Variants in DENND5B observed in about 807,000 individuals in gnomAD.
DENND5B encodes DENN domain-containing protein 5B.
Under a neutral mutation model 140.6 loss-of-function variants are expected in DENND5B, and 34 were observed. That is an observed-to-expected ratio of 0.24 (90% CI 0.18 to 0.32). The LOEUF is 0.32. DENND5B is among the 10% of genes least tolerant of loss of function. The probability of loss-of-function intolerance (pLI) is 1.00; values close to 1 mark genes in which losing one functional copy is unlikely to be tolerated. For missense variants in DENND5B, 1,142 were observed against 1,560.2 expected, an observed-to-expected ratio of 0.73 and a Z score of 4.52; for synonymous variants, 551 against 562.1, an observed-to-expected ratio of 0.98 and a Z score of 0.28.
chr12:31,579,153 T>C (rs1950121661), intron 1 of DENND5B, among the ~76,000 whole-genome samples: 1 of 152,234 alleles, frequency 6.6e-6, no homozygotes, highest in African/African-American at 2.4e-5. Context: ...AAACCCATGT[T>C]AGTAAAAATA....
chr12:31,554,320 T>C (rs1423506029), intron 1 of DENND5B, among the ~76,000 whole-genome samples: 1 of 152,246 alleles, frequency 6.6e-6, no homozygotes. Context: ...CCTTCACTTA[T>C]GAAGCTTAGT....
At chr12:31,518,585 T>C (rs1947764250) in intron 1 of DENND5B, among the ~76,000 whole-genome samples, 1 of 152,086 alleles carries the variant, frequency 6.6e-6, no homozygotes, top group South Asian at 2.1e-4. Flanking sequence ...ACCTTTTTTT[T>C]TTTTTACTAA....
At chr12:31,443,451 G>A (rs572910881) in intron 6 of DENND5B, among the ~76,000 whole-genome samples, 2 of 152,206 alleles carry the variant, frequency 1.3e-5, no homozygotes, top group South Asian at 2.1e-4. Flanking sequence ...AGTAAATATT[G>A]GATGATTAAT....
intron 3 of DENND5B, among the ~76,000 whole-genome samples, chr12:31,470,612 G>C (rs917496162): frequency 4.6e-5 from 7 of 152,148 alleles, no homozygotes; most frequent in African/African-American, 1.7e-4. Flanking sequence ...AATAAACCAA[G>C]ACACCTGATA....
intron 7 of DENND5B, among the ~76,000 whole-genome samples, chr12:31,439,299 C>T (rs193241321): frequency 2.6e-5 from 4 of 152,248 alleles, no homozygotes; most frequent in African/African-American, 7.2e-5. Context: ...TACCTGAAAA[C>T]GTAATGACTG....
At chr12:31,402,002 A>C (rs948900899) in intron 15 of DENND5B, among the ~76,000 whole-genome samples, 2 of 147,628 alleles carry the variant, frequency 1.4e-5, no homozygotes, top group Non-Finnish European at 3.0e-5. Flanking sequence ...TGAACCCAGG[A>C]GGTGGAGGTT....
chr12:31,481,084 CA>C (rs1946051574), intron 2 of DENND5B, among the ~76,000 whole-genome samples: 1 of 152,028 alleles, frequency 6.6e-6, no homozygotes, highest in South Asian at 2.1e-4. Flanking sequence ...CTAAGGAAAA[CA>C]GAACTTGTAA....
intron 5 of DENND5B, among the ~76,000 whole-genome samples, chr12:31,450,876 C>A (rs1944483025): frequency 6.6e-6 from 1 of 151,940 alleles, no homozygotes; most frequent in South Asian, 2.1e-4. Context: ...ACTATACAAC[C>A]CTAAGTGCAT....
chr12:31,389,325 T>C lies in DENND5B; in HGVS notation c.3640A>G (p.Arg1214Gly). The C allele has an allele frequency of 6.2e-7, 1 of 1,611,252 alleles. No individual in the cohort carries two copies. Among genetic ancestry groups the C allele is most frequent in the East Asian group, 2.2e-5 (1 of 44,852 alleles). ...KFQILVCLGTRDRLLPQWIPL... is the reference protein window; with the variant it reads ...KFQILVCLGTGDRLLPQWIPL... ...GAAAATAAAAAACTGGTTTTGTACC[T>C]TGTTCCAAGGCAAACTAAAATCTGG... The change falls in exon 20 of 21, where the codon AGG (arginine) becomes GGG (glycine). Residue 1214 changes from arginine (R) to glycine (G), a missense_variant and splice_region_variant. Around this residue, in one of 5 missense-constraint regions of DENND5B, gnomAD observed 125 missense variants for 179.0 expected, o/e 0.70. Transcript: ENST00000389082.
At chr12:31,458,135 G>A (rs1944866003) in intron 4 of DENND5B, among the ~76,000 whole-genome samples, 1 of 152,138 alleles carries the variant, frequency 6.6e-6, no homozygotes, top group South Asian at 2.1e-4. Context: ...GAAAATCACA[G>A]ACATTACTGT....
chr12:31,457,978 T>G (rs1045957870), intron 4 of DENND5B, among the ~76,000 whole-genome samples: 13 of 152,098 alleles, frequency 8.5e-5, no homozygotes, highest in East Asian at 1.9e-4. Flanking sequence ...CCTCCCAAAG[T>G]GCTGGGATTA....
chr12:31,523,119 C>T (rs979804323), intron 1 of DENND5B, among the ~76,000 whole-genome samples: 1 of 149,004 alleles, frequency 6.7e-6, no homozygotes, highest in African/African-American at 2.5e-5. Context: ...AGTGCAGTGG[C>T]GTGATCTCGG....
At chr12:31,532,072 AT>A (rs1379446527) in intron 1 of DENND5B, among the ~76,000 whole-genome samples, 1 of 152,240 alleles carries the variant, frequency 6.6e-6, no homozygotes, top group Admixed American at 6.5e-5. Context: ...GAAGACTGAC[AT>A]TAATCAAAGG....
chr12:31,589,979 G>A (rs1356573378), intron 1 of DENND5B: 3 of 152,344 alleles, frequency 2.0e-5, no homozygotes, highest in Non-Finnish European at 4.4e-5. Context: ...GGGAAAACCA[G>A]GCACTAACAC....
intron 2 of DENND5B, among the ~76,000 whole-genome samples, chr12:31,493,142 T>C (rs1017464589): frequency 7.6e-6 from 1 of 131,282 alleles, no homozygotes; most frequent in African/African-American, 2.8e-5. Flanking sequence ...CAGTTTTTCT[T>C]TTGGGAAGGC....
intron 8 of DENND5B, among the ~76,000 whole-genome samples, chr12:31,428,594 G>C (rs1484341118): frequency 3.3e-5 from 5 of 151,044 alleles, no homozygotes; most frequent in Non-Finnish European, 7.4e-5. Context: ...TTGAGACGGA[G>C]TCTCGCTCTG....
intron 1 of DENND5B, among the ~76,000 whole-genome samples, chr12:31,539,509 C>T (rs761207411): frequency 1.9e-4 from 29 of 152,108 alleles, no homozygotes; most frequent in Non-Finnish European, 3.5e-4. Flanking sequence ...TTCAACAACA[C>T]ATTAAAAAGA....
intron 7 of DENND5B, 140 bp downstream of exon 7, chr12:31,442,635 T>C: frequency 4.1e-6 from 3 of 728,222 alleles, no homozygotes; most frequent in Non-Finnish European, 5.9e-6. Flanking sequence ...TGTCAATCCA[T>C]ATTTCAAATG....
intron 1 of DENND5B, among the ~76,000 whole-genome samples, chr12:31,560,407 A>AT (rs1234629105): frequency 6.6e-6 from 1 of 152,030 alleles, no homozygotes; most frequent in East Asian, 1.9e-4. Flanking sequence ...AATCTTCCAA[A>AT]TATGTCCAGA....
Sources: gnomAD v4.1 joint callset for allele counts (sites outside exome capture counted in the v4.1 genomes callset) on GRCh38, gnomAD v4.1.1 for gene constraint, gnomAD v4.1.1 regional missense constraint, MANE v1.5 for transcripts, NCBI Gene and HGNC (gene_info 2026-07-23, HGNC 2026-07-21) for gene names.